ALDH1A2: variants seen among roughly 807,000 people sequenced by gnomAD.
ALDH1A2 encodes the protein aldehyde dehydrogenase 1 family member A2.
Under a neutral mutation model 60.3 loss-of-function variants are expected in ALDH1A2, and 27 were observed. The ratio of observed to expected loss-of-function variants is 0.45; its 90% CI spans 0.33 to 0.62. The LOEUF is 0.62. Ranked by LOEUF, ALDH1A2 falls within the 20% of genes least tolerant of loss-of-function variation. The probability of loss-of-function intolerance (pLI) is 0.02; values close to 1 mark genes in which losing one functional copy is unlikely to be tolerated. For synonymous variants in ALDH1A2, 289 were observed against 232.4 expected (o/e 1.24, Z -2.21); for missense variants, 581 against 643.8 (o/e 0.90, Z 1.06).
intron 1 of ALDH1A2, among the ~76,000 whole-genome samples, chr15:58,016,392 C>A (rs923583911): frequency 8.5e-5 from 13 of 152,116 alleles, no homozygotes; most frequent in African/African-American, 3.1e-4. Flanking sequence ...GATCTGCCTG[C>A]CTCCCAAAGT....
chr15:57,989,492 C>T (rs1270012317), intron 7 of ALDH1A2, among the ~76,000 whole-genome samples: 1 of 151,960 alleles, frequency 6.6e-6, no homozygotes, highest in Non-Finnish European at 1.5e-5. Context: ...GGTATGTTGC[C>T]TATATTATAG....
chr15:57,966,787 C>T (rs1036426210), intron 7 of ALDH1A2, among the ~76,000 whole-genome samples: 7 of 152,308 alleles, frequency 4.6e-5, no homozygotes, highest in East Asian at 3.9e-4. Context: ...TGTTGCAGTT[C>T]CACTTCCCCA....
chr15:57,976,297 A>T (rs543048926), intron 7 of ALDH1A2, among the ~76,000 whole-genome samples: 18 of 152,332 alleles, frequency 1.2e-4, no homozygotes, highest in Middle Eastern at 3.4e-3. Flanking sequence ...TGTATTTTTT[A>T]AAATTATACT....
chr15:57,993,170 G>T, intron 5 of ALDH1A2, 97 bp from the exon 6 acceptor site: 2 of 1,434,564 alleles, frequency 1.4e-6, no homozygotes, highest in Non-Finnish European at 1.9e-6. Context: ...ACTAGTCCTC[G>T]ACATAAATCT....
intron 3 of ALDH1A2, among the ~76,000 whole-genome samples, chr15:58,012,982 G>C (rs1320658008): frequency 6.6e-6 from 1 of 152,142 alleles, no homozygotes; most frequent in Non-Finnish European, 1.5e-5. Flanking sequence ...TTTCCAAAAA[G>C]TTTATATTCT....
In ALDH1A2 at chr15:57,961,211, G is replaced by T; in HGVS notation, c.1335C>A (p.Leu445=). The change falls in exon 11 of 13, where the codon CTC becomes CTA. Residue 445 remains leucine, a synonymous_variant. Transcript: ENST00000249750. ...TGTCATTAGTAAAGACAGCTGCTAC[G>T]AGTCCAAAGTCTGAGTTATTGGCTC... is the stretch of plus-strand genomic sequence containing the variant. The part of the protein sequence containing the change: ...IERANNSDFG[L]VAAVFTNDIN... 1 of 1,614,104 alleles carries T rather than the reference G, an allele frequency of 6.2e-7. No homozygotes were observed. The highest frequency in any genetic ancestry group is 8.5e-7 in the Non-Finnish European group (1 of 1,179,976).
In ALDH1A2 at chr15:57,962,104, A is replaced by T; in HGVS notation, c.1159T>A (p.Cys387Ser). The T allele has an allele frequency of 6.2e-7, 1 of 1,614,160 alleles. No individual in the cohort carries two copies. Among genetic ancestry groups the T allele is most frequent in the Non-Finnish European group, 8.5e-7 (1 of 1,180,024 alleles). The change falls in exon 10 of 13, where the codon TGT (cysteine) becomes AGT (serine). Residue 387 changes from cysteine to serine, a missense_variant. Physicochemically the swap from Cys to Ser is moderately radical, Grantham distance 112. Coordinates refer to ENST00000249750, the MANE Select transcript of ALDH1A2 (RefSeq NM_003888.4). ...TTTCGGCCCAGTCCTTTGCCTCCAC[A>T]TTCCAGCTTGGCGCCCTCAGCCACA... The part of the protein sequence containing the change: ...SGVAEGAKLE[C>S]GGKGLGRKGF...
intron 1 of ALDH1A2, among the ~76,000 whole-genome samples, chr15:58,063,810 G>C (rs1313994053): frequency 6.6e-6 from 1 of 152,066 alleles, no homozygotes; most frequent in East Asian, 1.9e-4. Flanking sequence ...GTTTTTCTTT[G>C]TATTAAGTGG....
At chr15:57,961,603 A>C (rs1002233558) in intron 10 of ALDH1A2, among the ~76,000 whole-genome samples, 1 of 152,188 alleles carries the variant, frequency 6.6e-6, no homozygotes, top group East Asian at 1.9e-4. Context: ...ACTGCTCCAG[A>C]ACGGAATGCT....
chr15:57,956,726 T>C (rs1286029357), intron 12 of ALDH1A2, among the ~76,000 whole-genome samples: 1 of 152,214 alleles, frequency 6.6e-6, no homozygotes, highest in Non-Finnish European at 1.5e-5. Context: ...TTCCTGTCCT[T>C]GGGCAATTCT....
chr15:58,031,441 G>C (rs1022921263), intron 1 of ALDH1A2, among the ~76,000 whole-genome samples: 1 of 152,110 alleles, frequency 6.6e-6, no homozygotes, highest in Non-Finnish European at 1.5e-5. Context: ...ATACCATTCA[G>C]GACATAGGCA....
At chr15:58,058,914 A>C (rs1346592314) in intron 1 of ALDH1A2, among the ~76,000 whole-genome samples, 2 of 152,208 alleles carry the variant, frequency 1.3e-5, no homozygotes, top group Non-Finnish European at 2.9e-5. Flanking sequence ...GTTTAGCCCC[A>C]GGGAAGTGTT....
Position 57,965,718 on chromosome 15 carries a change from G to GACTT in ALDH1A2, c.901+3_901+6dup. On this transcript the variant is annotated splice_region_variant and intron_variant, in intron 8 of 12. Coordinates refer to ENST00000249750, the MANE Select transcript of ALDH1A2 (RefSeq NM_003888.4). ...TGGTTCATGTATGGGACCTGTAGTT[G>GACTT]ACTTACAGTCAGCATCAGCAAAAAT... is the stretch of plus-strand genomic sequence containing the variant. 1.2e-6 allele frequency: 2 copies of GACTT among 1,606,020 alleles called. No individual in the cohort carries two copies. The highest frequency in any genetic ancestry group is 4.5e-5 in the East Asian group (2 of 44,842).
intron 7 of ALDH1A2, among the ~76,000 whole-genome samples, chr15:57,988,352 A>G (rs1305441664): frequency 5.3e-5 from 8 of 152,244 alleles, no homozygotes; most frequent in African/African-American, 1.9e-4. Flanking sequence ...TAGAATAAAA[A>G]GAGTGGTAAA....
chr15:58,035,403 C>T (rs1263850280), intron 1 of ALDH1A2, among the ~76,000 whole-genome samples: 1 of 151,482 alleles, frequency 6.6e-6, no homozygotes, highest in Non-Finnish European at 1.5e-5. Context: ...AACCAGTCTA[C>T]AGTTTTATTG....
intron 1 of ALDH1A2, among the ~76,000 whole-genome samples, chr15:58,019,082 G>A (rs8032572): frequency 0.42 from 63,171 of 151,918 alleles, 14,299 homozygotes; most frequent in Non-Finnish European, 0.53. Flanking sequence ...TCTGCATGAA[G>A]TGTACACAGA....
At chr15:57,984,749 A>G (rs1894639572) in intron 7 of ALDH1A2, among the ~76,000 whole-genome samples, 1 of 152,130 alleles carries the variant, frequency 6.6e-6, no homozygotes, top group Admixed American at 6.5e-5. Context: ...CTTTTTGTTA[A>G]TCCGCTTATC....
intron 5 of ALDH1A2, among the ~76,000 whole-genome samples, chr15:57,993,549 T>A (rs1488716908): frequency 6.6e-6 from 1 of 152,208 alleles, no homozygotes; most frequent in Non-Finnish European, 1.5e-5. Context: ...TACTTTTTCT[T>A]TAGATACATG....
At chr15:57,991,892 AC>A (rs1206025285) in intron 7 of ALDH1A2, among the ~76,000 whole-genome samples, 5 of 152,176 alleles carry the variant, frequency 3.3e-5, no homozygotes, top group Non-Finnish European at 5.9e-5. Context: ...ATCATCTGTT[AC>A]CTGGATCAGA....
Sources: allele counts gnomAD v4.1 joint callset (sites outside exome capture counted in the v4.1 genomes callset), GRCh38; gene constraint gnomAD v4.1.1; transcripts MANE v1.5; gene names NCBI Gene and HGNC (gene_info 2026-07-23, HGNC 2026-07-21).